The following GALNTL6 variants were observed in gnomAD, a reference collection of about 807,000 sequenced individuals.
The protein encoded by GALNTL6 is polypeptide N-acetylgalactosaminyltransferase like 6, also known as polypeptide N-acetylgalactosaminyltransferase-like 6.
A neutral mutation model predicts 73.7 loss-of-function variants in GALNTL6; 46 were observed. That is an observed-to-expected ratio of 0.62 (90% CI 0.49 to 0.80). The LOEUF (loss-of-function observed/expected upper bound fraction) is 0.80. Among genes scored for constraint, GALNTL6 ranks in the 30% least tolerant of loss-of-function variants. The pLI is 0.00. For missense variants in GALNTL6, 604 were observed against 755.0 expected, an observed-to-expected ratio of 0.80 and a Z score of 2.34; for synonymous variants, 259 against 263.7, an observed-to-expected ratio of 0.98 and a Z score of 0.17.
chr4:172,937,080 G>A (rs572934249), intron 9 of GALNTL6, among the ~76,000 whole-genome samples: 44 of 152,064 alleles, frequency 2.9e-4, no homozygotes, highest in African/African-American at 8.4e-4. Context: ...GAGGGTGTGC[G>A]TAGGACCTGT....
intron 2 of GALNTL6, among the ~76,000 whole-genome samples, chr4:172,117,486 G>A (rs941250035): frequency 6.6e-6 from 1 of 152,148 alleles, no homozygotes; most frequent in African/African-American, 2.4e-5. Flanking sequence ...CTATGATGAT[G>A]AGAAGTCTCA....
intron 5 of GALNTL6, among the ~76,000 whole-genome samples, chr4:172,408,224 A>G (rs1241867633): frequency 6.6e-6 from 1 of 152,040 alleles, no homozygotes; most frequent in East Asian, 1.9e-4. Context: ...CAAAATCTCT[A>G]TATACAGAAT....
At chr4:172,182,396 G>A (rs1192013057) in intron 2 of GALNTL6, among the ~76,000 whole-genome samples, 1 of 152,092 alleles carries the variant, frequency 6.6e-6, no homozygotes, top group African/African-American at 2.4e-5. Flanking sequence ...AGGTTTGTAA[G>A]CTGCTTCAAC....
chr4:171,884,617 T>C (rs1736557503), intron 2 of GALNTL6, among the ~76,000 whole-genome samples: 1 of 151,978 alleles, frequency 6.6e-6, no homozygotes, highest in Non-Finnish European at 1.5e-5. Context: ...TATATAAAAA[T>C]ATGATATACA....
chr4:172,947,254 C>G (rs1290059267), intron 9 of GALNTL6, among the ~76,000 whole-genome samples: 1 of 151,806 alleles, frequency 6.6e-6, no homozygotes, highest in Non-Finnish European at 1.5e-5. Context: ...GCACCCCACC[C>G]CATTCAAGTC....
chr4:172,306,100 A>G (rs966217164), intron 3 of GALNTL6, among the ~76,000 whole-genome samples: 9 of 152,076 alleles, frequency 5.9e-5, no homozygotes, highest in African/African-American at 9.7e-5. Flanking sequence ...GAAAATAAAA[A>G]TATGTTGGCC....
intron 2 of GALNTL6, among the ~76,000 whole-genome samples, chr4:172,143,746 A>G (rs1324616006): frequency 6.6e-6 from 1 of 151,974 alleles, no homozygotes; most frequent in Non-Finnish European, 1.5e-5. Flanking sequence ...GGTTACCATG[A>G]GTCATCTTAT....
rs572355033 is a variant in GALNTL6 at position 172,274,055 on chromosome 4, G to T, written c.248-37559G>T. Among the ~76,000 whole-genome samples, 4 of 152,024 alleles carry T rather than the reference G, an allele frequency of 2.6e-5. No homozygotes were observed. In the South Asian group the frequency reaches 8.3e-4, roughly 32 times the overall value. ...CGTATATGAACCTATTTATACTTTTGGTTTTTCTCATTATGTAGAAAATCG... is the reference window on the plus strand; with the variant it reads ...CGTATATGAACCTATTTATACTTTTTGTTTTTCTCATTATGTAGAAAATCG... On this transcript the variant is annotated intron_variant, in intron 3 of 12. Transcript: ENST00000506823.
At chr4:172,838,108 T>C (rs1743010042) in intron 7 of GALNTL6, among the ~76,000 whole-genome samples, 1 of 150,512 alleles carries the variant, frequency 6.6e-6, no homozygotes, top group Non-Finnish European at 1.5e-5. Flanking sequence ...ATTTCTATGT[T>C]TGGAAATCTA....
intron 5 of GALNTL6, among the ~76,000 whole-genome samples, chr4:172,744,203 C>G (rs1293804211): frequency 2.6e-5 from 4 of 152,126 alleles, no homozygotes; most frequent in African/African-American, 4.8e-5. Context: ...CATTTACCAT[C>G]TGACTTCTGT....
chr4:172,035,983 C>T (rs72698949), intron 2 of GALNTL6, among the ~76,000 whole-genome samples: 3,986 of 152,190 alleles, frequency 0.026, 84 homozygotes, highest in East Asian at 0.08. Flanking sequence ...AACAGTAAGA[C>T]ATTTGTAAAT....
rs58953734 is a variant in GALNTL6 at position 172,069,535 on chromosome 4, A to ATGTTATATGTATGACACATATATGTG, written c.139-160120_139-160119insGTTATATGTATGACACATATATGTGT. Reference sequence around the variant, plus strand: ...TATATGTTATATGTATAACACATATATTATATATAACACATATATGTTATA... The same window carrying ATGTTATATGTATGACACATATATGTG: ...TATATGTTATATGTATAACACATATATGTTATATGTATGACACATATATGTGTTATATATAACACATATATGTTATA... On this transcript the variant is annotated intron_variant, in intron 2 of 12. Transcript: ENST00000506823. 2.0e-4 allele frequency among the ~76,000 whole-genome samples: 11 copies of ATGTTATATGTATGACACATATATGTG among 55,984 alleles called. 3 individuals are homozygous for ATGTTATATGTATGACACATATATGTG. The highest frequency in any genetic ancestry group is 6.2e-4 in the East Asian group (2 of 3,240). The allele number at this position is 55,984 out of a possible 152,430, so 36.7% of individuals were successfully genotyped here. A position where few individuals can be genotyped will look rare whatever the true frequency, so the allele number is the denominator to read the frequency against.
At chr4:172,696,120 C>G (rs1337847813) in intron 5 of GALNTL6, among the ~76,000 whole-genome samples, 1 of 152,158 alleles carries the variant, frequency 6.6e-6, no homozygotes, top group Non-Finnish European at 1.5e-5. Flanking sequence ...TAAGAAAACT[C>G]TTTGAGAAAT....
chr4:172,918,784 C>T (rs1465217073), intron 8 of GALNTL6, among the ~76,000 whole-genome samples: 1 of 152,088 alleles, frequency 6.6e-6, no homozygotes, highest in Non-Finnish European at 1.5e-5. Flanking sequence ...ATACATTACC[C>T]CAACTTTATG....
intron 5 of GALNTL6, among the ~76,000 whole-genome samples, chr4:172,415,740 T>C (rs1365559855): frequency 6.6e-6 from 1 of 151,938 alleles, no homozygotes; most frequent in Admixed American, 6.6e-5. Flanking sequence ...GGCTTGCAAC[T>C]CTAAGGGGGG....
At chr4:171,926,503 A>T (rs567062138) in intron 2 of GALNTL6, among the ~76,000 whole-genome samples, 2 of 152,194 alleles carry the variant, frequency 1.3e-5, no homozygotes, top group East Asian at 3.9e-4. Flanking sequence ...TACTTATGGA[A>T]TTTTTAGATT....
At chr4:171,900,339 A>G (rs1737047828) in intron 2 of GALNTL6, among the ~76,000 whole-genome samples, 3 of 152,038 alleles carry the variant, frequency 2.0e-5, no homozygotes, top group Admixed American at 6.6e-5. Flanking sequence ...ACAGAGTCTC[A>G]CTCTGTTGCC....
At chr4:172,342,555 G>C (rs1042873569) in intron 4 of GALNTL6, among the ~76,000 whole-genome samples, 1 of 152,080 alleles carries the variant, frequency 6.6e-6, no homozygotes, top group Non-Finnish European at 1.5e-5. Flanking sequence ...TAAATGGGGG[G>C]CTTAACTGGA....
chr4:172,396,987 A>G (rs893312604), intron 5 of GALNTL6, among the ~76,000 whole-genome samples: 1 of 152,170 alleles, frequency 6.6e-6, no homozygotes, highest in Admixed American at 6.6e-5. Flanking sequence ...GATTTTTTCT[A>G]CCATTATATC....
Sources: allele counts gnomAD v4.1 joint callset (sites outside exome capture counted in the v4.1 genomes callset), GRCh38; gene constraint gnomAD v4.1.1; transcripts MANE v1.5; gene names NCBI Gene and HGNC (gene_info 2026-07-23, HGNC 2026-07-21).